Variants in MYH11 observed in about 807,000 individuals in gnomAD.
MYH11 encodes the protein myosin-11.
In MYH11, 80 loss-of-function variants were observed where a neutral mutation model predicts 246.6. The observed-to-expected ratio is 0.32, with a 90% CI of 0.27 to 0.39. The LOEUF (loss-of-function observed/expected upper bound fraction) is 0.39. Ranked by LOEUF, MYH11 falls within the 10% of genes least tolerant of loss-of-function variation. The probability of loss-of-function intolerance (pLI) is 1.00; values close to 1 mark genes in which losing one functional copy is unlikely to be tolerated. For synonymous variants in MYH11, 1,071 were observed against 1,015.5 expected (o/e 1.05, Z -1.04); for missense variants, 2,158 against 2,546.8 (o/e 0.85, Z 3.29).
chr16:15,798,546 C>G, intron 4 of MYH11, 114 bp downstream of exon 4: 1 of 1,096,036 alleles, frequency 9.1e-7, no homozygotes, highest in Non-Finnish European at 1.3e-6. Flanking sequence ...GAACCATGAA[C>G]AAATCAAAGA....
chr16:15,856,222 T>G (rs1202890201), intron 1 of MYH11, among the ~76,000 whole-genome samples: 25 of 149,442 alleles, frequency 1.7e-4, no homozygotes, highest in East Asian at 1.0e-3. Flanking sequence ...GTGAGTTGTT[T>G]TTTTTTTTTT....
chr16:15,724,042 C>T, intron 31 of MYH11, 119 bp downstream of exon 31: 1 of 1,541,830 alleles, frequency 6.5e-7, no homozygotes. Flanking sequence ...CCTCCCATGG[C>T]TCCCCACAGA....
chr16:15,741,510 C>G lies in MYH11; in HGVS notation c.2812G>C (p.Gly938Arg), dbSNP rs1227980651. The change falls in exon 22 of 41, where the codon GGC becomes CGC. Residue 938 changes from glycine (G) to arginine (R), a missense_variant. This residue lies in a region of MYH11 where 284 missense variants were observed against 315.4 expected (regional missense o/e 0.90). Transcript: ENST00000300036. ...EARLEEEEDR[G>R]QQLQAERKKM... ...TTCCTTTCAGCCTGTAGCTGCTGGC[C>G]CCTGTCTTCCTCCTCCTCCAGGCGG... 3 of 1,609,502 alleles carry G rather than the reference C, an allele frequency of 1.9e-6. No homozygotes were observed. The highest frequency in any genetic ancestry group is 2.5e-6 in the Non-Finnish European group (3 of 1,180,006).
chr16:15,717,115 G>T (rs768226021), intron 38 of MYH11, 25 bp downstream of exon 38: 1 of 1,612,654 alleles, frequency 6.2e-7, no homozygotes, highest in South Asian at 1.1e-5. Context: ...CTGCAAACTG[G>T]GTTCGGAACT....
At chr16:15,730,140 A>G (rs62029311) in intron 27 of MYH11, among the ~76,000 whole-genome samples, 1,722 of 152,086 alleles carry the variant, frequency 0.011, 18 homozygotes, top group Non-Finnish European at 0.019. Flanking sequence ...TTCCACCATG[A>G]TGGTAAGTTT....
chr16:15,796,547 G>A (rs1055025859), intron 4 of MYH11, among the ~76,000 whole-genome samples: 2 of 152,188 alleles, frequency 1.3e-5, no homozygotes, highest in Non-Finnish European at 2.9e-5. Context: ...CTGGGGAGAT[G>A]ACATGTGGCT....
At chr16:15,841,622 G>A (rs551641474) in intron 1 of MYH11, among the ~76,000 whole-genome samples, 4 of 152,300 alleles carry the variant, frequency 2.6e-5, no homozygotes, top group South Asian at 2.1e-4. Context: ...GTAGATTCAC[G>A]TTATCTGTCG....
At chr16:15,854,985 G>C (rs560510999) in intron 1 of MYH11, among the ~76,000 whole-genome samples, 5 of 152,268 alleles carry the variant, frequency 3.3e-5, no homozygotes, top group Non-Finnish European at 7.4e-5. Flanking sequence ...AGGACCAACC[G>C]GGCTGCGGTG....
rs139271438 is a variant in MYH11, at chr16:15,732,654, C to T, written c.3561G>A (p.Thr1187=). The change falls in exon 27 of 41, where the codon ACG becomes ACA. Residue 1187 remains threonine, a synonymous_variant. Coordinates refer to ENST00000300036, the MANE Select transcript of MYH11 (RefSeq NM_002474.3). ...CCTGGACCTGAGCCTCATGGGACCG[C>T]GTCTCTTCATCCAGGGCCTTCTTCA... ...TVLKKALDEE[T]RSHEAQVQEM... The T allele has an allele frequency of 2.7e-5, 43 of 1,614,134 alleles. No homozygotes were observed. In the Middle Eastern group the frequency reaches 4.9e-4, roughly 19 times the overall value.
Position 15,745,245 on chromosome 16 carries a change from G to C in MYH11, c.2412-8C>G, listed in dbSNP as rs200606975. ...TGCCTCTTGGCAAAAGCCCTAGGGA[G>C]GGGGGAAGAGAAGGTGCGGGGGTCA... is the stretch of plus-strand genomic sequence containing the variant. On this transcript the variant is annotated splice_region_variant and splice_polypyrimidine_tract_variant and intron_variant, in intron 19 of 40. Transcript: ENST00000300036. 7 of 1,609,246 alleles carry C rather than the reference G, an allele frequency of 4.3e-6. No individual in the cohort carries two copies. Among genetic ancestry groups the C allele is most frequent in the East Asian group, 2.2e-5 (1 of 44,828 alleles).
intron 3 of MYH11, among the ~76,000 whole-genome samples, chr16:15,816,545 G>A (rs1170508821): frequency 6.6e-6 from 1 of 152,144 alleles, no homozygotes; most frequent in Non-Finnish European, 1.5e-5. Context: ...ACTCTAGATA[G>A]CATTACATAG....
Position 15,720,882 on chromosome 16 carries a change from C to A in MYH11, c.4748G>T (p.Arg1583Leu). 1.2e-6 allele frequency: 2 copies of A among 1,614,000 alleles called. No individual in the cohort carries two copies. The highest frequency in any genetic ancestry group is 1.7e-6 in the Non-Finnish European group (2 of 1,180,024). Residue 1583 changes from arginine to leucine, a missense_variant, in exon 33 of 41, where the codon CGG (arginine) becomes CTG (leucine). Arg to Leu is a moderately radical substitution (Grantham distance 102). Transcript: ENST00000300036. ...CCTCTTCTCCTCATTCTGCTCGTCC[C>A]GGGCTTGGAGATCCCTTTCGAACTG... The part of the protein sequence containing the change: ...KGQFERDLQA[R>L]DEQNEEKRRQ...
At chr16:15,742,112 C>T in intron 20 of MYH11, 1 of 661,328 alleles carries the variant, frequency 1.5e-6, no homozygotes, top group Non-Finnish European at 2.7e-6. Context: ...CCCTACAGTG[C>T]ACAGGACAGC....
intron 27 of MYH11, among the ~76,000 whole-genome samples, chr16:15,729,976 G>A (rs1348205199): frequency 2.0e-5 from 3 of 152,110 alleles, no homozygotes; most frequent in Non-Finnish European, 4.4e-5. Flanking sequence ...ATGAGCCACC[G>A]CGCCCGGCCT....
chr16:15,828,150 C>A (rs1454131034), intron 2 of MYH11, among the ~76,000 whole-genome samples: 1 of 152,186 alleles, frequency 6.6e-6, no homozygotes, highest in Non-Finnish European at 1.5e-5. Context: ...TGACCCTGGG[C>A]AAGTCCCTTA....
At chr16:15,714,470 G>A (rs111420515) in intron 40 of MYH11, 2,579 of 231,992 alleles carry the variant, frequency 0.011, 72 homozygotes, top group African/African-American at 0.053. Flanking sequence ...CCCCATACCC[G>A]AGAATAATGC....
intron 3 of MYH11, 59 bp downstream of exon 3, chr16:15,823,196 A>G (rs2043461819): frequency 3.1e-6 from 5 of 1,609,660 alleles, no homozygotes; most frequent in Non-Finnish European, 4.2e-6. Context: ...AGAACTGCAG[A>G]CAAGCAGGAC....
chr16:15,754,207 ACT>A (rs1408222061), intron 14 of MYH11, among the ~76,000 whole-genome samples: 1 of 151,990 alleles, frequency 6.6e-6, no homozygotes, highest in Admixed American at 6.6e-5. Flanking sequence ...ACAGAGTGAG[ACT>A]CTGTCTCAAA....
intron 1 of MYH11, among the ~76,000 whole-genome samples, chr16:15,851,837 G>A (rs997231768): frequency 7.2e-5 from 11 of 152,126 alleles, no homozygotes; most frequent in East Asian, 1.9e-4. Context: ...CAAGAGTTAC[G>A]GTAGCCCCTG....
Sources: allele counts gnomAD v4.1 joint callset (sites outside exome capture counted in the v4.1 genomes callset), GRCh38; gene constraint gnomAD v4.1.1; regional missense constraint gnomAD v4.1.1; transcripts MANE v1.5; gene names NCBI Gene and HGNC (gene_info 2026-07-23, HGNC 2026-07-21).